The following OMA1 variants were observed in gnomAD, a reference collection of about 807,000 sequenced individuals.
OMA1 encodes the protein metalloendopeptidase OMA1, mitochondrial.
In OMA1, 38 loss-of-function variants were observed where a neutral mutation model predicts 30.9. The ratio of observed to expected loss-of-function variants is 1.23; its 90% CI spans 0.95 to 1.61. The LOEUF (loss-of-function observed/expected upper bound fraction) is 1.61, where lower values mean the gene tolerates loss of function less well. Ranked by LOEUF, OMA1 falls within the 40% of genes most tolerant of loss-of-function variation. The pLI is 0.00. For missense variants in OMA1, 461 were observed against 349.2 expected, an observed-to-expected ratio of 1.32 and a Z score of -2.55; for synonymous variants, 173 against 121.9, an observed-to-expected ratio of 1.42 and a Z score of -2.76.
intron 7 of OMA1, among the ~76,000 whole-genome samples, chr1:58,511,153 T>G (rs1433827718): frequency 3.9e-5 from 6 of 152,096 alleles, no homozygotes; most frequent in Non-Finnish European, 8.8e-5. Flanking sequence ...GAACCACAAC[T>G]AACCCCAAAT....
chr1:58,500,370 A>T (rs892785667), intron 8 of OMA1, among the ~76,000 whole-genome samples: 5 of 152,222 alleles, frequency 3.3e-5, no homozygotes, highest in Non-Finnish European at 7.3e-5. Flanking sequence ...CAACAACGAC[A>T]TTTCACTTCA....
intron 8 of OMA1, among the ~76,000 whole-genome samples, chr1:58,485,228 TAAAAAAAAAAA>T (rs71043289): frequency 7.1e-5 from 3 of 42,034 alleles, no homozygotes; most frequent in South Asian, 1.3e-3. Context: ...AGTCTACTAC[TAAAAAAAAAAA>T]AAAAAAAAAA....
intron 8 of OMA1, among the ~76,000 whole-genome samples, chr1:58,487,864 A>G (rs1021951740): frequency 6.6e-6 from 1 of 152,148 alleles, no homozygotes; most frequent in African/African-American, 2.4e-5. Context: ...ACTAAAAATA[A>G]CATTCTCCCA....
chr1:58,502,267 T>C (rs1171448658), intron 8 of OMA1, among the ~76,000 whole-genome samples: 1 of 152,236 alleles, frequency 6.6e-6, no homozygotes, highest in Admixed American at 6.5e-5. Context: ...TTTCTTGGTT[T>C]CCTATTTGCT....
At chr1:58,521,973 C>T (rs968441068) in intron 7 of OMA1, among the ~76,000 whole-genome samples, 5 of 152,214 alleles carry the variant, frequency 3.3e-5, no homozygotes, top group African/African-American at 7.2e-5. Flanking sequence ...AAATTCTAGG[C>T]GACTATCTCC....
intron 8 of OMA1, among the ~76,000 whole-genome samples, chr1:58,497,535 A>AC (rs1191769667): frequency 6.6e-6 from 1 of 152,172 alleles, no homozygotes; most frequent in Non-Finnish European, 1.5e-5. Flanking sequence ...TGCCACCCCA[A>AC]ATATGCCTCT....
At chr1:58,535,300 T>C (rs950349150) in intron 3 of OMA1, among the ~76,000 whole-genome samples, 5 of 152,158 alleles carry the variant, frequency 3.3e-5, no homozygotes, top group African/African-American at 1.2e-4. Context: ...TATGCTTTTT[T>C]TCACTTAAGA....
chr1:58,485,982 T>C (rs1318140295), intron 8 of OMA1, among the ~76,000 whole-genome samples: 3 of 152,198 alleles, frequency 2.0e-5, no homozygotes, highest in African/African-American at 7.2e-5. Context: ...TGAGGAAGAT[T>C]TGAAGTTAAA....
intron 8 of OMA1, among the ~76,000 whole-genome samples, chr1:58,497,223 C>G (rs1279244292): frequency 2.0e-5 from 3 of 151,806 alleles, no homozygotes; most frequent in Non-Finnish European, 4.4e-5. Flanking sequence ...AGTTTTAAAA[C>G]AAACAAAACA....
intron 7 of OMA1, among the ~76,000 whole-genome samples, chr1:58,514,660 C>T (rs1646132055): frequency 6.6e-6 from 1 of 152,162 alleles, no homozygotes; most frequent in Non-Finnish European, 1.5e-5. Context: ...TGAGACAATA[C>T]TACAAAGGAT....
intron 6 of OMA1, among the ~76,000 whole-genome samples, chr1:58,527,675 G>T (rs1646373733): frequency 6.6e-6 from 1 of 152,102 alleles, no homozygotes; most frequent in Non-Finnish European, 1.5e-5. Flanking sequence ...TTTTAATATG[G>T]TCAAGGAATA....
intron 8 of OMA1, among the ~76,000 whole-genome samples, chr1:58,488,741 C>T (rs1569872937): frequency 3.9e-5 from 6 of 152,330 alleles, no homozygotes; most frequent in South Asian, 2.1e-4. Context: ...TGAGCCACCA[C>T]GCCCAGCCCC....
At chr1:58,494,003 C>T (rs1645748256) in intron 8 of OMA1, among the ~76,000 whole-genome samples, 1 of 110,326 alleles carries the variant, frequency 9.1e-6, no homozygotes, top group South Asian at 2.8e-4. Context: ...CATCATGCTA[C>T]CTGACTTCAA....
chr1:58,534,810 C>T (rs1032834525), intron 3 of OMA1, among the ~76,000 whole-genome samples: 43 of 152,222 alleles, frequency 2.8e-4, no homozygotes, highest in African/African-American at 8.9e-4. Context: ...GTGGCATGCA[C>T]CTGTGTTCCC....
At chr1:58,489,351 C>T (rs1557437827) in intron 8 of OMA1, among the ~76,000 whole-genome samples, 2 of 152,222 alleles carry the variant, frequency 1.3e-5, no homozygotes. Flanking sequence ...ATTACTAGCA[C>T]AGCAGTCTGA....
At chr1:58,499,855 A>G (rs2100402160) in intron 8 of OMA1, among the ~76,000 whole-genome samples, 1 of 152,260 alleles carries the variant, frequency 6.6e-6, no homozygotes, top group East Asian at 1.9e-4. Context: ...GTAACAACTA[A>G]AGTATTTATG....
At chr1:58,531,108 G>A (rs1041740908) in intron 5 of OMA1, among the ~76,000 whole-genome samples, 1 of 152,230 alleles carries the variant, frequency 6.6e-6, no homozygotes, top group South Asian at 2.1e-4. Context: ...TTACTAAAAG[G>A]ACCAGAAATC....
chr1:58,515,672 C>A (rs1646147848), intron 7 of OMA1, among the ~76,000 whole-genome samples: 1 of 152,114 alleles, frequency 6.6e-6, no homozygotes. Flanking sequence ...AATCATTAAG[C>A]AAAGAACCTA....
chr1:58,513,255 T>C (rs927175254), intron 7 of OMA1, among the ~76,000 whole-genome samples: 1 of 152,200 alleles, frequency 6.6e-6, no homozygotes, highest in Non-Finnish European at 1.5e-5. Flanking sequence ...TTCTGCTATG[T>C]AAGACATACC....
Sources: allele counts gnomAD v4.1 joint callset (sites outside exome capture counted in the v4.1 genomes callset), GRCh38; gene constraint gnomAD v4.1.1; transcripts MANE v1.5; gene names NCBI Gene and HGNC (gene_info 2026-07-23, HGNC 2026-07-21).